Variants in EPB41L4B observed in about 807,000 individuals in gnomAD.
EPB41L4B encodes the protein erythrocyte membrane protein band 4.1 like 4B, also known as band 4.1-like protein 4B.
Under a neutral mutation model 112.5 loss-of-function variants are expected in EPB41L4B, and 30 were observed. That is an observed-to-expected ratio of 0.27 (90% confidence interval 0.20 to 0.36). EPB41L4B has a LOEUF of 0.36. Among genes scored for constraint, EPB41L4B ranks in the 10% least tolerant of loss-of-function variants. The pLI is 1.00. For missense variants in EPB41L4B, 1,024 were observed against 1,133.3 expected (o/e 0.90, Z 1.38); for synonymous variants, 408 against 439.7 (o/e 0.93, Z 0.90).
intron 2 of EPB41L4B, among the ~76,000 whole-genome samples, chr9:109,276,317 G>C (rs185206982): frequency 0.013 from 1,974 of 151,610 alleles, 23 homozygotes; most frequent in Middle Eastern, 0.024. Context: ...GTGAGGGGGG[G>C]GTCATCTGAG....
intron 1 of EPB41L4B, among the ~76,000 whole-genome samples, chr9:109,286,500 T>C (rs542325218): frequency 6.6e-6 from 1 of 152,314 alleles, no homozygotes; most frequent in East Asian, 1.9e-4. Flanking sequence ...ACGCGTTGTC[T>C]AGTGGTTATA....
At chr9:109,251,648 G>A in intron 12 of EPB41L4B, 137 bp from the exon 13 acceptor site, 2 of 790,484 alleles carry the variant, frequency 2.5e-6, no homozygotes, top group South Asian at 1.4e-5. Context: ...ACTGCATGGT[G>A]GCTACTTCTC....
At chr9:109,310,694 C>T (rs1837385654) in intron 1 of EPB41L4B, among the ~76,000 whole-genome samples, 2 of 152,152 alleles carry the variant, frequency 1.3e-5, no homozygotes, top group South Asian at 2.1e-4. Context: ...AAGAATAACA[C>T]CACGAGGTGA....
intron 5 of EPB41L4B, among the ~76,000 whole-genome samples, chr9:109,264,727 G>C (rs1835337820): frequency 6.6e-6 from 1 of 152,192 alleles, no homozygotes; most frequent in South Asian, 2.1e-4. Flanking sequence ...GATGTGATCA[G>C]GGAGAGAGTT....
At chr9:109,238,579 T>C (rs890425379) in intron 15 of EPB41L4B, among the ~76,000 whole-genome samples, 3 of 152,114 alleles carry the variant, frequency 2.0e-5, no homozygotes, top group African/African-American at 4.8e-5. Flanking sequence ...AAAGCTCAGA[T>C]TGATGCAGTG....
chr9:109,266,794 C>T (rs1442468599), intron 4 of EPB41L4B, among the ~76,000 whole-genome samples: 1 of 151,738 alleles, frequency 6.6e-6, no homozygotes, highest in Non-Finnish European at 1.5e-5. Context: ...ACAGCGAAAC[C>T]CTGTCTCCAG....
intron 24 of EPB41L4B, among the ~76,000 whole-genome samples, chr9:109,177,884 T>C (rs1831901940): frequency 6.6e-6 from 1 of 151,986 alleles, no homozygotes. Flanking sequence ...CATCAGTATA[T>C]TTCCTCACAG....
At chr9:109,314,418 G>A (rs139912796) in intron 1 of EPB41L4B, among the ~76,000 whole-genome samples, 1 of 152,288 alleles carries the variant, frequency 6.6e-6, no homozygotes, top group African/African-American at 2.4e-5. Flanking sequence ...TTATGCACGT[G>A]AAAGTGCTTA....
chr9:109,305,341 G>A (rs1355137537), intron 1 of EPB41L4B, among the ~76,000 whole-genome samples: 1 of 152,206 alleles, frequency 6.6e-6, no homozygotes, highest in Non-Finnish European at 1.5e-5. Flanking sequence ...AGCACAGGCC[G>A]GATGAGGTGG....
intron 15 of EPB41L4B, among the ~76,000 whole-genome samples, chr9:109,238,658 T>C (rs1475953303): frequency 2.0e-5 from 3 of 151,734 alleles, no homozygotes; most frequent in African/African-American, 4.8e-5. Flanking sequence ...AACGTTGCTA[T>C]AGATGGGGGT....
intron 22 of EPB41L4B, among the ~76,000 whole-genome samples, chr9:109,187,439 T>G (rs1416030246): frequency 7.2e-6 from 1 of 138,034 alleles, no homozygotes; most frequent in Non-Finnish European, 1.6e-5. Context: ...ATGGTTCATT[T>G]TGTTGACTGT....
In EPB41L4B at chr9:109,182,834, A is replaced by G. The variant is rs781564847; in HGVS notation, c.2419-37T>C. ...AGAAAGACAAGGGGGTTACCTTCAG[A>G]TTAGAAAACAAAGTTTTGCAATCTT... On this transcript the variant is annotated intron_variant, in intron 23 of 25. Coordinates refer to ENST00000374566, the MANE Select transcript of EPB41L4B (RefSeq NM_019114.5). 8.2e-6 allele frequency: 12 copies of G among 1,466,758 alleles called. No individual in the cohort carries two copies. The East Asian group carries it at 2.7e-4, about 33-fold the overall frequency. 90.9% of individuals were successfully genotyped at this position (1,466,758 alleles called of 1,614,324 possible). A position where few individuals can be genotyped will look rare whatever the true frequency, so the allele number is the denominator to read the frequency against.
chr9:109,311,118 T>C (rs533180044), intron 1 of EPB41L4B, among the ~76,000 whole-genome samples: 2 of 152,266 alleles, frequency 1.3e-5, no homozygotes, highest in Non-Finnish European at 2.9e-5. Context: ...CCAATGGTGG[T>C]GAAGGTTGCA....
chr9:109,251,278 A>C (rs1330771652), intron 13 of EPB41L4B, among the ~76,000 whole-genome samples: 1 of 152,224 alleles, frequency 6.6e-6, no homozygotes, highest in African/African-American at 2.4e-5. Context: ...TGTGTTTGCC[A>C]AAAAAACCAA....
chr9:109,267,541 A>T lies in EPB41L4B; in HGVS notation c.465T>A (p.Ala155=), dbSNP rs757823948. The change falls in exon 4 of 26, where the codon GCT becomes GCA. Residue 155 remains alanine, a synonymous_variant. Transcript: ENST00000374566. ...PIKKQMKIGP[A]YALHFRVKYY... is the part of the protein sequence containing the mutation. ...ATTTAACTCGAAAGTGTAAAGCATA[A>T]GCAGGTCCAACTAAACATTTGGAGA... 2.0e-5 allele frequency: 32 copies of T among 1,610,490 alleles called. No homozygotes were observed. The South Asian group carries it at 3.3e-4, about 17-fold the overall frequency.
intron 14 of EPB41L4B, among the ~76,000 whole-genome samples, chr9:109,244,081 G>T (rs1372888377): frequency 6.6e-6 from 1 of 152,192 alleles, no homozygotes; most frequent in Non-Finnish European, 1.5e-5. Flanking sequence ...AACAATTTTT[G>T]TCATTGCTGA....
intron 7 of EPB41L4B, 128 bp downstream of exon 7, chr9:109,258,049 A>G: frequency 1.0e-6 from 1 of 988,466 alleles, no homozygotes; most frequent in Non-Finnish European, 1.5e-6. Context: ...ACACAAGGAG[A>G]GAAGAGTTGG....
At chr9:109,268,922 C>T (rs965264470) in intron 2 of EPB41L4B, among the ~76,000 whole-genome samples, 6 of 138,184 alleles carry the variant, frequency 4.3e-5, no homozygotes, top group East Asian at 2.2e-4. Context: ...AAAAATTCAA[C>T]GTTTATGCAT....
chr9:109,185,970 T>C (rs1210797273), intron 22 of EPB41L4B, among the ~76,000 whole-genome samples: 1 of 152,050 alleles, frequency 6.6e-6, no homozygotes, highest in Non-Finnish European at 1.5e-5. Context: ...TTGAGGGTTC[T>C]GAAGCATTGC....
Sources: gnomAD v4.1 joint callset for allele counts (sites outside exome capture counted in the v4.1 genomes callset) on GRCh38, gnomAD v4.1.1 for gene constraint, MANE v1.5 for transcripts, NCBI Gene and HGNC (gene_info 2026-07-23, HGNC 2026-07-21) for gene names.